The following GBE1 variants were observed in gnomAD, a reference collection of about 807,000 sequenced individuals.
GBE1 encodes 1,4-alpha-glucan-branching enzyme.
GBE1 carries 70 observed loss-of-function variants against 88.8 expected under a neutral mutation model. The ratio of observed to expected loss-of-function variants is 0.79; its 90% CI spans 0.65 to 0.96. GBE1 has a LOEUF of 0.96. Among genes scored for constraint, GBE1 ranks in the 40% least tolerant of loss-of-function variants. The pLI, the probability that GBE1 is intolerant of heterozygous loss-of-function variation, is 0.00. For synonymous variants in GBE1, 284 were observed against 300.1 expected (o/e 0.95, Z 0.56); for missense variants, 872 against 871.0 (o/e 1.00, Z -0.01).
intron 1 of GBE1, among the ~76,000 whole-genome samples, chr3:81,710,232 CTTTTTTTTT>C (rs397990331): frequency 1.1e-5 from 1 of 93,206 alleles, no homozygotes; most frequent in Non-Finnish European, 1.9e-5. Context: ...GGTAATTAAT[CTTTTTTTTT>C]TTTTTTTTTT....
intron 12 of GBE1, among the ~76,000 whole-genome samples, chr3:81,569,948 G>A (rs926125711): frequency 6.6e-6 from 1 of 151,792 alleles, no homozygotes. Context: ...CGAGTAGCTG[G>A]GATTACAGGT....
intron 1 of GBE1, among the ~76,000 whole-genome samples, chr3:81,738,291 TG>T (rs764937895): frequency 1.6e-4 from 24 of 150,910 alleles, no homozygotes; most frequent in Non-Finnish European, 2.8e-4. Context: ...CTGGGTCAAA[TG>T]GTATTTCTAG....
rs192044702 is a variant in GBE1 at position 81,648,854 on chromosome 3, A to G, written c.691+2T>C. ...TGAATAAAAATCACAGTTATTACTTACCAAGGCCTTTGATTCTTGGTAGTA... is the reference window on the plus strand; with the variant it reads ...TGAATAAAAATCACAGTTATTACTTGCCAAGGCCTTTGATTCTTGGTAGTA... On this transcript the variant is annotated splice_donor_variant, in intron 5 of 15. Coordinates refer to ENST00000429644, the MANE Select transcript of GBE1 (RefSeq NM_000158.4). LOFTEE classifies it high-confidence loss of function. The G allele has an allele frequency of 1.0e-3, 1,511 of 1,502,074 alleles. No individual in the cohort carries two copies. Among genetic ancestry groups the G allele is most frequent in the Non-Finnish European group, 1.3e-3 (1,410 of 1,120,380 alleles). 93.0% of individuals were successfully genotyped at this position (1,502,074 alleles called of 1,614,324 possible). A position where few individuals can be genotyped will look rare whatever the true frequency, so the allele number is the denominator to read the frequency against.
chr3:81,673,475 T>A (rs1408419814), intron 2 of GBE1, among the ~76,000 whole-genome samples: 1 of 151,844 alleles, frequency 6.6e-6, no homozygotes, highest in South Asian at 2.1e-4. Flanking sequence ...CACTAAAAAA[T>A]TTATTAAAAG....
At chr3:81,657,364 A>G (rs1437492826) in intron 3 of GBE1, among the ~76,000 whole-genome samples, 1 of 149,108 alleles carries the variant, frequency 6.7e-6, no homozygotes, top group African/African-American at 2.5e-5. Flanking sequence ...CTATTTAAGT[A>G]AACAGATAAT....
intron 12 of GBE1, among the ~76,000 whole-genome samples, chr3:81,571,789 A>G (rs938891297): frequency 6.6e-6 from 1 of 152,242 alleles, no homozygotes; most frequent in Non-Finnish European, 1.5e-5. Flanking sequence ...TTATGAAACT[A>G]AAGAAGAAGT....
rs117383483 is a variant in GBE1, at chr3:81,757,337, T to C, written c.143+4038A>G. On this transcript the variant is annotated intron_variant, in intron 1 of 15. Transcript: ENST00000429644. The stretch of plus-strand genomic sequence containing the variant: ...GAGGCTGTACAGAACTCAAGAGAAA[T>C]GAGGAATGGTTGAAAGGGTTTAAGC... Among the ~76,000 whole-genome samples, 103 of 152,176 alleles carry C rather than the reference T, an allele frequency of 6.8e-4. 1 individual carries two copies. In the East Asian group the frequency reaches 0.019, roughly 29 times the overall value.
chr3:81,704,193 G>A (rs1705739885), intron 2 of GBE1, among the ~76,000 whole-genome samples: 1 of 151,738 alleles, frequency 6.6e-6, no homozygotes, highest in Admixed American at 6.6e-5. Context: ...TTACTCTACT[G>A]TTCTCCTTTC....
chr3:81,562,016 A>G (rs1703425591), intron 12 of GBE1, among the ~76,000 whole-genome samples: 1 of 152,072 alleles, frequency 6.6e-6, no homozygotes. Context: ...ACGGTGCTTT[A>G]TGCAGATCTT....
At chr3:81,691,111 AG>A (rs1483702084) in intron 2 of GBE1, among the ~76,000 whole-genome samples, 1 of 152,158 alleles carries the variant, frequency 6.6e-6, no homozygotes, top group African/African-American at 2.4e-5. Context: ...GCTTGCAACA[AG>A]GGACTCCAAT....
At chr3:81,567,489 TTGAG>T (rs1314349961) in intron 12 of GBE1, among the ~76,000 whole-genome samples, 3 of 152,194 alleles carry the variant, frequency 2.0e-5, no homozygotes, top group Non-Finnish European at 4.4e-5. Context: ...GCCATTTCAT[TTGAG>T]TCTTTCAAAG....
rs1338449308 is a variant in GBE1, at chr3:81,750,685, A to G, written c.143+10690T>C. ...TATATATATATATACGTATATATAT[A>G]TATATATATGTATTTTTTTTTTTTT... On this transcript the variant is annotated intron_variant, in intron 1 of 15. Coordinates refer to ENST00000429644, the MANE Select transcript of GBE1 (RefSeq NM_000158.4). 5.8e-5 allele frequency among the ~76,000 whole-genome samples: 6 copies of G among 103,654 alleles called. 2 individuals carry two copies. In the East Asian group the frequency reaches 1.0e-3, roughly 18 times the overall value. The allele number at this position is 103,654 out of a possible 152,430, so 68.0% of individuals were successfully genotyped here. A position where few individuals can be genotyped will look rare whatever the true frequency, so the allele number is the denominator to read the frequency against.
rs1706339959 is a variant in GBE1, at chr3:81,740,816, A to T, written c.143+20559T>A. 2.0e-5 allele frequency among the ~76,000 whole-genome samples: 3 copies of T among 151,946 alleles called. No individual in the cohort carries two copies. The South Asian group carries it at 6.2e-4, about 31-fold the overall frequency. On this transcript the variant is annotated intron_variant, in intron 1 of 15. Transcript: ENST00000429644. Reference sequence around the variant, plus strand: ...ATTTATTTAAAATCAAATTTTGTCTAAAAGAATCCATCACAAACATTAAAA... The same window carrying T: ...ATTTATTTAAAATCAAATTTTGTCTTAAAGAATCCATCACAAACATTAAAA...
intron 1 of GBE1, among the ~76,000 whole-genome samples, chr3:81,721,237 A>C (rs1391521827): frequency 8.7e-5 from 9 of 103,152 alleles, no homozygotes; most frequent in Non-Finnish European, 1.5e-4. Context: ...ATAAATAAAA[A>C]CACATGAAAA....
intron 1 of GBE1, among the ~76,000 whole-genome samples, chr3:81,760,298 C>G (rs1706661153): frequency 6.6e-6 from 1 of 152,208 alleles, no homozygotes; most frequent in Non-Finnish European, 1.5e-5. Flanking sequence ...TAAACACTTG[C>G]TGATTTGAAT....
At chr3:81,686,367 G>GA (rs1705439924) in intron 2 of GBE1, among the ~76,000 whole-genome samples, 1 of 152,114 alleles carries the variant, frequency 6.6e-6, no homozygotes, top group South Asian at 2.1e-4. Flanking sequence ...GTAAAATAGG[G>GA]AATGCAGGTA....
rs376618717 is a variant in GBE1 at position 81,761,357 on chromosome 3, G to C, written c.143+18C>G. 3.1e-6 allele frequency: 5 copies of C among 1,600,034 alleles called. No individual in the cohort carries two copies. The highest frequency in any genetic ancestry group is 4.3e-6 in the Non-Finnish European group (5 of 1,170,358). On this transcript the variant is annotated intron_variant, in intron 1 of 15. Coordinates refer to ENST00000429644, the MANE Select transcript of GBE1 (RefSeq NM_000158.4). ...CGGGCTGCCTGTCTAAGTGGGGGTG[G>C]TGGGATTCCGGCGGTACCTGCGCTG... is the stretch of plus-strand genomic sequence containing the variant.
intron 3 of GBE1, among the ~76,000 whole-genome samples, chr3:81,657,026 G>T (rs1435388147): frequency 5.3e-5 from 8 of 151,754 alleles, no homozygotes; most frequent in Admixed American, 5.3e-4. Context: ...CGTGGTAGCA[G>T]GTGCCTGTAG....
At chr3:81,650,592 A>C (rs1014328955) in intron 3 of GBE1, among the ~76,000 whole-genome samples, 3 of 151,780 alleles carry the variant, frequency 2.0e-5, no homozygotes, top group African/African-American at 7.3e-5. Flanking sequence ...ATTAAGACTT[A>C]GAACTGAATA....
Sources: allele counts gnomAD v4.1 joint callset (sites outside exome capture counted in the v4.1 genomes callset), GRCh38; gene constraint gnomAD v4.1.1; transcripts MANE v1.5; gene names NCBI Gene and HGNC (gene_info 2026-07-23, HGNC 2026-07-21).